Variants in MLXIP observed in about 807,000 individuals in gnomAD.
MLXIP encodes the protein MLX interacting protein, also known as MLX-interacting protein.
Under a neutral mutation model 87.2 loss-of-function variants are expected in MLXIP, and 30 were observed. The ratio of observed to expected loss-of-function variants is 0.34; its 90% confidence interval spans 0.26 to 0.47. MLXIP has a LOEUF of 0.47. Among genes scored for constraint, MLXIP ranks in the 20% least tolerant of loss-of-function variants. The probability of loss-of-function intolerance (pLI) is 1.00; values close to 1 mark genes in which losing one functional copy is unlikely to be tolerated. For missense variants in MLXIP, 1,002 were observed against 1,240.1 expected, an observed-to-expected ratio of 0.81 and a Z score of 2.88; for synonymous variants, 530 against 514.0, an observed-to-expected ratio of 1.03 and a Z score of -0.42.
intron 1 of MLXIP, among the ~76,000 whole-genome samples, chr12:122,107,564 C>G (rs1271722259): frequency 6.6e-6 from 1 of 152,186 alleles, no homozygotes; most frequent in Non-Finnish European, 1.5e-5. Context: ...CTCCTGTGTT[C>G]CAGATAGAAA....
rs997438317 is a variant in MLXIP, at chr12:122,122,720, G to T, written c.414-4536G>T. ...CCACGACGCCTGGCTAATTTTTTTT[G>T]TATTTTTAGTAGAGACGGGGGTTTC... On this transcript the variant is annotated intron_variant, in intron 1 of 16. Transcript: ENST00000319080. Among the ~76,000 whole-genome samples the T allele has an allele frequency of 2.0e-5, 3 of 151,866 alleles. No individual in the cohort carries two copies. The East Asian group carries it at 5.8e-4, about 29-fold the overall frequency.
At chr12:122,122,487 C>G (rs1014474808) in intron 1 of MLXIP, among the ~76,000 whole-genome samples, 4 of 152,214 alleles carry the variant, frequency 2.6e-5, no homozygotes, top group Non-Finnish European at 5.9e-5. Flanking sequence ...CCTCAGCCTT[C>G]CAAGTAGCCA....
intron 1 of MLXIP, among the ~76,000 whole-genome samples, chr12:122,121,619 C>T (rs913698062): frequency 1.3e-5 from 2 of 152,050 alleles, no homozygotes; most frequent in African/African-American, 2.4e-5. Context: ...GTCAGGAGTT[C>T]GTCCCAGCCA....
At chr12:122,114,689 C>T (rs917507495) in intron 1 of MLXIP, among the ~76,000 whole-genome samples, 1 of 152,138 alleles carries the variant, frequency 6.6e-6, no homozygotes, top group South Asian at 2.1e-4. Context: ...GAATTCACCT[C>T]CCAGCAGCCC....
At chr12:122,087,570 G>A (rs1191506071) in intron 1 of MLXIP, among the ~76,000 whole-genome samples, 1 of 152,208 alleles carries the variant, frequency 6.6e-6, no homozygotes, top group East Asian at 1.9e-4. Context: ...CGCATTGCAA[G>A]GTTAGAAAGA....
chr12:122,078,799 C>A lies in MLXIP; in HGVS notation c.-55C>A, dbSNP rs1191288771. ...GCCGGGCCGGCGCCCCTCTGCCTCGCGCGCTTGTCGCGTTGCCCCGGGCTC... is the reference window on the plus strand; with the variant it reads ...GCCGGGCCGGCGCCCCTCTGCCTCGAGCGCTTGTCGCGTTGCCCCGGGCTC... On this transcript the variant is annotated 5_prime_UTR_variant, in exon 1 of 17. Coordinates refer to ENST00000319080, the MANE Select transcript of MLXIP (RefSeq NM_014938.6). 5 of 1,030,986 alleles carry A rather than the reference C, an allele frequency of 4.8e-6. No homozygotes were observed. In the African/African-American group the frequency reaches 7.0e-5, roughly 14 times the overall value. 63.9% of individuals were successfully genotyped at this position (1,030,986 alleles called of 1,614,324 possible).
intron 16 of MLXIP, among the ~76,000 whole-genome samples, chr12:122,141,435 T>C (rs1030812816): frequency 1.4e-4 from 22 of 152,250 alleles, no homozygotes; most frequent in African/African-American, 5.1e-4. Context: ...TCAGAACAGC[T>C]GGCAGCCCCA....
chr12:122,110,005 C>G (rs1007378112), intron 1 of MLXIP, among the ~76,000 whole-genome samples: 3 of 152,180 alleles, frequency 2.0e-5, no homozygotes, highest in African/African-American at 4.8e-5. Flanking sequence ...CAACGCATCC[C>G]TGCTCTGGGT....
rs1026081815 is a variant in MLXIP at position 122,142,266 on chromosome 12, C to G, written c.*454C>G. ...TCTGCCTGATGCCCTGCTCCACTCT[C>G]TGGTCTGCCCGTGGGGCAGTTGGAA... On this transcript the variant is annotated 3_prime_UTR_variant, in exon 17 of 17. Coordinates refer to ENST00000319080, the MANE Select transcript of MLXIP (RefSeq NM_014938.6). The G allele has an allele frequency of 2.9e-6, 2 of 695,614 alleles. No homozygotes were observed. Among genetic ancestry groups the G allele is most frequent in the African/African-American group, 1.7e-5 (1 of 57,160 alleles). 43.1% of individuals were successfully genotyped at this position (695,614 alleles called of 1,614,324 possible).
chr12:122,097,851 C>CA (rs1565962411), intron 1 of MLXIP, among the ~76,000 whole-genome samples: 1 of 151,810 alleles, frequency 6.6e-6, no homozygotes, highest in Non-Finnish European at 1.5e-5. Context: ...TGGGTTCCCC[C>CA]TCCCCACAAG....
chr12:122,101,109 G>A (rs1474321416), intron 1 of MLXIP, among the ~76,000 whole-genome samples: 2 of 152,194 alleles, frequency 1.3e-5, no homozygotes, highest in African/African-American at 2.4e-5. Context: ...ATGTCCCCGG[G>A]CTAACTGAAT....
chr12:122,105,630 C>G (rs1952506874), intron 1 of MLXIP, among the ~76,000 whole-genome samples: 1 of 152,096 alleles, frequency 6.6e-6, no homozygotes, highest in African/African-American at 2.4e-5. Context: ...AGCCACCGCG[C>G]TCGGCTGATT....
chr12:122,112,906 G>A (rs1952626612), intron 1 of MLXIP, among the ~76,000 whole-genome samples: 1 of 152,152 alleles, frequency 6.6e-6, no homozygotes, highest in Non-Finnish European at 1.5e-5. Flanking sequence ...GAAGGAAATA[G>A]GTAAGTGTTT....
intron 15 of MLXIP, among the ~76,000 whole-genome samples, chr12:122,139,580 C>T (rs935699416): frequency 2.6e-5 from 4 of 152,180 alleles, no homozygotes; most frequent in Non-Finnish European, 4.4e-5. Flanking sequence ...TCAGAGGTGA[C>T]GGTCGTGCAG....
In MLXIP at chr12:122,078,765, GCGGGC is replaced by G. The variant is rs147535188; in HGVS notation, c.-75_-71del. On this transcript the variant is annotated 5_prime_UTR_variant, in exon 1 of 17. Transcript: ENST00000319080. ...CCGCGCGCTCGCGGACAGTCGGCGC[GCGGGC>G]CGGGCCGGGCCGGCGCCCCTCTGCC... 1,164 of 1,005,252 alleles carry G rather than the reference GCGGGC, an allele frequency of 1.2e-3. 11 individuals are homozygous for G. In the African/African-American group the frequency reaches 0.018, roughly 16 times the overall value. 62.3% of individuals were successfully genotyped at this position (1,005,252 alleles called of 1,614,324 possible).
At chr12:122,111,963 T>C (rs1448825358) in intron 1 of MLXIP, among the ~76,000 whole-genome samples, 2 of 152,230 alleles carry the variant, frequency 1.3e-5, no homozygotes, top group Non-Finnish European at 2.9e-5. Flanking sequence ...TCTTTTTTCT[T>C]TTAGAATAGT....
At chr12:122,123,996 C>T (rs1001491203) in intron 1 of MLXIP, among the ~76,000 whole-genome samples, 7 of 152,180 alleles carry the variant, frequency 4.6e-5, no homozygotes, top group Non-Finnish European at 8.8e-5. Flanking sequence ...TTTGCTTAAA[C>T]GCCACTTCCT....
chr12:122,116,170 T>A (rs1270543819), intron 1 of MLXIP, among the ~76,000 whole-genome samples: 1 of 152,152 alleles, frequency 6.6e-6, no homozygotes, highest in Non-Finnish European at 1.5e-5. Context: ...GCTTTGACAT[T>A]GTGCTCCAGC....
Position 122,140,941 on chromosome 12 carries a change from C to T in MLXIP, c.2509-13C>T, listed in dbSNP as rs769390749. On this transcript the variant is annotated splice_polypyrimidine_tract_variant and intron_variant, in intron 15 of 16. Coordinates refer to ENST00000319080, the MANE Select transcript of MLXIP (RefSeq NM_014938.6). ...CTCTCCGTGCTTGCCTTTTCTTTAA[C>T]CACACACTGCAGTTCAGCATCATCA... 4 of 1,614,038 alleles carry T rather than the reference C, an allele frequency of 2.5e-6. No individual in the cohort carries two copies. The highest frequency in any genetic ancestry group is 3.4e-6 in the Non-Finnish European group (4 of 1,179,900).
Sources: allele counts gnomAD v4.1 joint callset (sites outside exome capture counted in the v4.1 genomes callset), GRCh38; gene constraint gnomAD v4.1.1; transcripts MANE v1.5; gene names NCBI Gene and HGNC (gene_info 2026-07-23, HGNC 2026-07-21).